Variants in TAFA1 observed in about 807,000 individuals in gnomAD.
The protein encoded by TAFA1 is TAFA chemokine like family member 1.
A neutral mutation model predicts 18.5 loss-of-function variants in TAFA1; 4 were observed. The ratio of observed to expected loss-of-function variants is 0.22; its 90% CI spans 0.11 to 0.49. The LOEUF (loss-of-function observed/expected upper bound fraction) is 0.49. Ranked by LOEUF, TAFA1 falls within the 20% of genes least tolerant of loss-of-function variation. The probability of loss-of-function intolerance (pLI) is 0.98; values close to 1 mark genes in which losing one functional copy is unlikely to be tolerated. For synonymous variants in TAFA1, 56 were observed against 55.2 expected (o/e 1.01, Z -0.06); for missense variants, 147 against 169.0 (o/e 0.87, Z 0.72).
At chr3:68,222,539 A>T (rs1402390593) in intron 2 of TAFA1, among the ~76,000 whole-genome samples, 1 of 152,136 alleles carries the variant, frequency 6.6e-6, no homozygotes, top group Non-Finnish European at 1.5e-5. Flanking sequence ...TGGTTGAATT[A>T]ACTTCTCAAG....
At chr3:68,339,929 A>C (rs1264252381) in intron 2 of TAFA1, among the ~76,000 whole-genome samples, 1 of 152,230 alleles carries the variant, frequency 6.6e-6, no homozygotes, top group South Asian at 2.1e-4. Context: ...CACAAAATGC[A>C]GCTATGAGAC....
chr3:68,468,812 T>C (rs1450491255), intron 3 of TAFA1, among the ~76,000 whole-genome samples: 6 of 152,236 alleles, frequency 3.9e-5, no homozygotes, highest in Non-Finnish European at 7.3e-5. Flanking sequence ...GCCCACATTA[T>C]CAGCACTTTT....
intron 1 of TAFA1, among the ~76,000 whole-genome samples, chr3:68,005,888 A>T (rs1704348859): frequency 6.6e-6 from 1 of 152,244 alleles, no homozygotes; most frequent in African/African-American, 2.4e-5. Flanking sequence ...GCACCCGAGA[A>T]AAGGTACATA....
At chr3:68,186,013 G>T (rs968192625) in intron 2 of TAFA1, among the ~76,000 whole-genome samples, 3 of 152,062 alleles carry the variant, frequency 2.0e-5, no homozygotes, top group African/African-American at 4.8e-5. Context: ...CCTGCTCCTT[G>T]TCAAAAAGGG....
At chr3:68,065,002 T>C (rs1183184970) in intron 2 of TAFA1, among the ~76,000 whole-genome samples, 1 of 152,054 alleles carries the variant, frequency 6.6e-6, no homozygotes, top group African/African-American at 2.4e-5. Context: ...TGAGTAAAGG[T>C]AGACCCATCA....
intron 2 of TAFA1, among the ~76,000 whole-genome samples, chr3:68,075,465 T>C (rs1343919469): frequency 1.3e-5 from 2 of 152,186 alleles, no homozygotes; most frequent in Non-Finnish European, 2.9e-5. Flanking sequence ...TTATAATGAA[T>C]TGCTTTCATT....
At chr3:68,335,406 A>G (rs376245666) in intron 2 of TAFA1, among the ~76,000 whole-genome samples, 4 of 152,210 alleles carry the variant, frequency 2.6e-5, no homozygotes, top group African/African-American at 9.6e-5. Flanking sequence ...GGGAAATAGC[A>G]ATGAATGAGT....
chr3:68,439,432 T>TATATATATATATATAG, intron 3 of TAFA1, among the ~76,000 whole-genome samples: 1 of 135,734 alleles, frequency 7.4e-6, no homozygotes. Flanking sequence ...TATATATATA[T>TATATATATATATATAG]ATATATATAT....
intron 2 of TAFA1, among the ~76,000 whole-genome samples, chr3:68,289,023 T>C (rs2068065629): frequency 6.6e-6 from 1 of 152,176 alleles, no homozygotes; most frequent in Admixed American, 6.5e-5. Flanking sequence ...TTGTAGCATT[T>C]ATTGAAGTGA....
chr3:68,436,556 C>T (rs1157792157), intron 3 of TAFA1, among the ~76,000 whole-genome samples: 1 of 152,032 alleles, frequency 6.6e-6, no homozygotes, highest in East Asian at 1.9e-4. Context: ...TCTTGAGCTC[C>T]AGGCTAATGT....
intron 2 of TAFA1, among the ~76,000 whole-genome samples, chr3:68,360,518 A>T (rs1212051689): frequency 1.3e-5 from 2 of 152,002 alleles, no homozygotes; most frequent in Admixed American, 6.6e-5. Flanking sequence ...CACAAAGTAG[A>T]GTAGCGGCTA....
At chr3:68,493,412 A>G (rs192484083) in intron 3 of TAFA1, among the ~76,000 whole-genome samples, 1 of 152,266 alleles carries the variant, frequency 6.6e-6, no homozygotes, top group Non-Finnish European at 1.5e-5. Context: ...GGTTGCTACT[A>G]CCTTGTGGCT....
At chr3:68,331,282 G>A (rs1873596) in intron 2 of TAFA1, among the ~76,000 whole-genome samples, 3,922 of 152,212 alleles carry the variant, frequency 0.026, 154 homozygotes, top group African/African-American at 0.082. Flanking sequence ...TAGGGTTATG[G>A]GGAGACAGGA....
intron 3 of TAFA1, among the ~76,000 whole-genome samples, chr3:68,443,240 G>A (rs1164438146): frequency 6.6e-6 from 1 of 152,010 alleles, no homozygotes. Context: ...CTTCCTCTAA[G>A]AAGCACAAGC....
chr3:68,414,449 A>C (rs1011613875), intron 2 of TAFA1, among the ~76,000 whole-genome samples: 1 of 152,172 alleles, frequency 6.6e-6, no homozygotes, highest in African/African-American at 2.4e-5. Flanking sequence ...AGGCACAACC[A>C]CTTGTGAAAA....
At chr3:68,457,711 T>A (rs1200721681) in intron 3 of TAFA1, among the ~76,000 whole-genome samples, 1 of 152,218 alleles carries the variant, frequency 6.6e-6, no homozygotes, top group Non-Finnish European at 1.5e-5. Context: ...TCATTAACTA[T>A]AATCAACATG....
intron 2 of TAFA1, among the ~76,000 whole-genome samples, chr3:68,388,559 C>T (rs531448715): frequency 3.3e-5 from 5 of 152,002 alleles, no homozygotes; most frequent in Middle Eastern, 3.4e-3. Flanking sequence ...CCACCTATGA[C>T]GTTTTTTTTA....
At chr3:68,033,894 G>T (rs571200449) in intron 2 of TAFA1, among the ~76,000 whole-genome samples, 5 of 152,258 alleles carry the variant, frequency 3.3e-5, no homozygotes, top group African/African-American at 9.6e-5. Flanking sequence ...TCACTTAGGA[G>T]TTTGGTGTAC....
rs2067019305 is a variant in TAFA1 at position 68,242,926 on chromosome 3, G to A, written c.119-174354G>A. Among the ~76,000 whole-genome samples, 3 of 151,998 alleles carry A rather than the reference G, an allele frequency of 2.0e-5. No individual in the cohort carries two copies. In the South Asian group the frequency reaches 6.2e-4, roughly 32 times the overall value. On this transcript the variant is annotated intron_variant, in intron 2 of 4. Coordinates refer to ENST00000478136, the MANE Select transcript of TAFA1 (RefSeq NM_213609.4). ...TGATATTTATCCTCTTGAACAGAGAGCAGAAAAAAGATCAACTTATCCCTG... is the reference window on the plus strand; with the variant it reads ...TGATATTTATCCTCTTGAACAGAGAACAGAAAAAAGATCAACTTATCCCTG...
Sources: gnomAD v4.1 joint callset for allele counts (sites outside exome capture counted in the v4.1 genomes callset) on GRCh38, gnomAD v4.1.1 for gene constraint, MANE v1.5 for transcripts, NCBI Gene and HGNC (gene_info 2026-07-23, HGNC 2026-07-21) for gene names.